DLGAP2: variants seen among roughly 807,000 people sequenced by gnomAD.
The protein encoded by DLGAP2 is DLG associated protein 2, also known as disks large-associated protein 2.
DLGAP2 carries 26 observed loss-of-function variants against 100.3 expected under a neutral mutation model. The observed-to-expected ratio is 0.26, with a 90% CI of 0.19 to 0.36. DLGAP2 has a LOEUF of 0.36. Ranked by LOEUF, DLGAP2 falls within the 10% of genes least tolerant of loss-of-function variation. The probability of loss-of-function intolerance (pLI) is 1.00; values close to 1 mark genes in which losing one functional copy is unlikely to be tolerated. For synonymous variants in DLGAP2, 886 were observed against 630.1 expected, an observed-to-expected ratio of 1.41 and a Z score of -6.08; for missense variants, 1,858 against 1,453.2, an observed-to-expected ratio of 1.28 and a Z score of -4.53.
At chr8:1,082,120 C>G (rs1420053538) in intron 2 of DLGAP2, among the ~76,000 whole-genome samples, 3 of 152,154 alleles carry the variant, frequency 2.0e-5, no homozygotes, top group Non-Finnish European at 4.4e-5. Flanking sequence ...TGTTTTGAGG[C>G]TGTGTGCAGT....
intron 3 of DLGAP2, among the ~76,000 whole-genome samples, chr8:1,451,470 G>T (rs1025255023): frequency 6.6e-6 from 1 of 151,342 alleles, no homozygotes; most frequent in Non-Finnish European, 1.5e-5. Flanking sequence ...TGGTGCCAGG[G>T]TCCCTGTCCC....
chr8:823,440 G>A (rs1041373948), intron 1 of DLGAP2, among the ~76,000 whole-genome samples: 3 of 152,098 alleles, frequency 2.0e-5, no homozygotes, highest in African/African-American at 4.8e-5. Flanking sequence ...TTGCTTATTT[G>A]TACTGTGAAT....
At chr8:1,640,048 A>G (rs916433963) in intron 8 of DLGAP2, among the ~76,000 whole-genome samples, 9 of 152,198 alleles carry the variant, frequency 5.9e-5, no homozygotes, top group Non-Finnish European at 1.0e-4. Context: ...TCTGTTTACC[A>G]TAGTAGGTTT....
intron 4 of DLGAP2, among the ~76,000 whole-genome samples, chr8:1,516,360 GGAGTGAATGAGTGAGT>G (rs1800381081): frequency 6.7e-6 from 1 of 148,526 alleles, no homozygotes; most frequent in Non-Finnish European, 1.5e-5. Flanking sequence ...AATAAGGGAG[GGAGTGAATGAGTGAGT>G]GAGTGACTGA....
intron 3 of DLGAP2, among the ~76,000 whole-genome samples, chr8:1,479,245 A>G (rs1799021818): frequency 6.6e-6 from 1 of 152,178 alleles, no homozygotes; most frequent in South Asian, 2.1e-4. Flanking sequence ...GGACTTCCTG[A>G]CCTTTACTCC....
chr8:1,129,979 G>A (rs1044592386), intron 2 of DLGAP2, among the ~76,000 whole-genome samples: 1 of 152,202 alleles, frequency 6.6e-6, no homozygotes, highest in Non-Finnish European at 1.5e-5. Context: ...AGGACAGGCA[G>A]TTCTAATTCT....
intron 2 of DLGAP2, among the ~76,000 whole-genome samples, chr8:1,135,503 G>GGTTT (rs1554490362): frequency 2.7e-4 from 25 of 92,186 alleles, no homozygotes; most frequent in Non-Finnish European, 3.9e-4. Context: ...TTTTTTGTGG[G>GGTTT]TTTTTTTTTT....
In DLGAP2 at chr8:1,497,580, G is replaced by C. The variant is rs576907538; in HGVS notation, c.107-3786G>C. Among the ~76,000 whole-genome samples the C allele has an allele frequency of 1.3e-3, 193 of 152,348 alleles. 2 individuals carry two copies. Among genetic ancestry groups the C allele is most frequent in the African/African-American group, 4.3e-3 (180 of 41,596 alleles). On this transcript the variant is annotated intron_variant, in intron 3 of 14. Coordinates refer to ENST00000637795, the MANE Select transcript of DLGAP2 (RefSeq NM_001346810.2). ...GGATTTCCTTGTCTCTTTAAGCATA[G>C]ATAAGGGCATTTCTGAGGTCGCTGA...
intron 2 of DLGAP2, among the ~76,000 whole-genome samples, chr8:1,044,489 T>C (rs1488097104): frequency 6.6e-6 from 1 of 152,212 alleles, no homozygotes; most frequent in Non-Finnish European, 1.5e-5. Context: ...AACGCAGTCC[T>C]AGCGCTGAAA....
intron 8 of DLGAP2, among the ~76,000 whole-genome samples, chr8:1,667,161 A>C (rs1313159630): frequency 6.6e-6 from 1 of 152,196 alleles, no homozygotes; most frequent in Non-Finnish European, 1.5e-5. Flanking sequence ...CTGTGCACTA[A>C]AGGAAAATAA....
At chr8:1,058,026 C>T (rs979434571) in intron 2 of DLGAP2, among the ~76,000 whole-genome samples, 4 of 152,216 alleles carry the variant, frequency 2.6e-5, no homozygotes, top group African/African-American at 7.2e-5. Flanking sequence ...TATCAATAGT[C>T]TGCTTCTGGT....
chr8:828,831 C>T (rs1444880950), intron 1 of DLGAP2, among the ~76,000 whole-genome samples: 1 of 152,220 alleles, frequency 6.6e-6, no homozygotes, highest in Non-Finnish European at 1.5e-5. Flanking sequence ...CGTTCTTCTG[C>T]CATGGCTTCA....
chr8:1,193,528 G>C (rs1008903870), intron 2 of DLGAP2, among the ~76,000 whole-genome samples: 1 of 152,130 alleles, frequency 6.6e-6, no homozygotes, highest in Admixed American at 6.5e-5. Flanking sequence ...GCTCATTCAC[G>C]CTGAAATCCA....
intron 5 of DLGAP2, 183 bp from the exon 6 acceptor site, chr8:1,565,500 A>G (rs1584933279): frequency 3.5e-6 from 2 of 568,128 alleles, no homozygotes; most frequent in Middle Eastern, 4.6e-4. Context: ...ATGAAGAAAA[A>G]CCAACATTTT....
At chr8:996,705 C>T (rs561825290) in intron 2 of DLGAP2, among the ~76,000 whole-genome samples, 4 of 152,268 alleles carry the variant, frequency 2.6e-5, no homozygotes, top group South Asian at 2.1e-4. Flanking sequence ...TCAAGTTAAT[C>T]GTCATCATTC....
intron 12 of DLGAP2, among the ~76,000 whole-genome samples, chr8:1,679,695 G>A (rs996501010): frequency 2.6e-5 from 4 of 152,158 alleles, no homozygotes; most frequent in Non-Finnish European, 4.4e-5. Flanking sequence ...CATCAAGACC[G>A]TTCAGGCCAG....
intron 2 of DLGAP2, among the ~76,000 whole-genome samples, chr8:1,107,302 T>C (rs1804808025): frequency 6.6e-6 from 1 of 152,120 alleles, no homozygotes; most frequent in Admixed American, 6.5e-5. Flanking sequence ...TAGATACTCA[T>C]CACCACTCCA....
intron 1 of DLGAP2, among the ~76,000 whole-genome samples, chr8:750,798 A>T (rs914763605): frequency 1.3e-5 from 2 of 152,228 alleles, no homozygotes; most frequent in African/African-American, 2.4e-5. Context: ...TGAGATGTAG[A>T]TTCCCTATTT....
intron 3 of DLGAP2, among the ~76,000 whole-genome samples, chr8:1,365,313 G>A (rs531303163): frequency 9.8e-5 from 15 of 152,288 alleles, no homozygotes; most frequent in African/African-American, 2.9e-4. Flanking sequence ...TCTCCGCACC[G>A]AGGCTGCAGG....
Sources: allele counts gnomAD v4.1 joint callset (sites outside exome capture counted in the v4.1 genomes callset), GRCh38; gene constraint gnomAD v4.1.1; transcripts MANE v1.5; gene names NCBI Gene and HGNC (gene_info 2026-07-23, HGNC 2026-07-21).